PTPN13: variants seen among roughly 807,000 people sequenced by gnomAD.
The protein encoded by PTPN13 is protein tyrosine phosphatase non-receptor type 13, also known as tyrosine-protein phosphatase non-receptor type 13.
Under a neutral mutation model 284.0 loss-of-function variants are expected in PTPN13, and 191 were observed. The observed-to-expected ratio is 0.67, with a 90% CI of 0.60 to 0.76. PTPN13 has a LOEUF of 0.76. Among genes scored for constraint, PTPN13 ranks in the 30% least tolerant of loss-of-function variants. The probability of loss-of-function intolerance (pLI) is 0.00; values close to 1 mark genes in which losing one functional copy is unlikely to be tolerated. For missense variants in PTPN13, 2,797 were observed against 2,939.9 expected (o/e 0.95, Z 1.12); for synonymous variants, 986 against 1,022.3 (o/e 0.96, Z 0.68).
intron 13 of PTPN13, 92 bp downstream of exon 13, chr4:86,734,548 A>G: frequency 7.7e-7 from 1 of 1,302,528 alleles, no homozygotes; most frequent in Non-Finnish European, 1.0e-6. Context: ...ATTCCAATCA[A>G]TGATAATGTC....
intron 3 of PTPN13, among the ~76,000 whole-genome samples, chr4:86,684,995 C>T (rs529335865): frequency 6.6e-6 from 1 of 152,176 alleles, no homozygotes; most frequent in Non-Finnish European, 1.5e-5. Context: ...CCCATATGCT[C>T]TGCCATCTTA....
At chr4:86,717,956 C>T (rs1392205826) in intron 9 of PTPN13, among the ~76,000 whole-genome samples, 1 of 151,992 alleles carries the variant, frequency 6.6e-6, no homozygotes, top group Non-Finnish European at 1.5e-5. Context: ...CATTTTTATA[C>T]TGACATACTT....
chr4:86,780,702 A>G (rs1741205039), intron 36 of PTPN13, among the ~76,000 whole-genome samples: 1 of 152,250 alleles, frequency 6.6e-6, no homozygotes, highest in South Asian at 2.1e-4. Flanking sequence ...AAAATTTGAA[A>G]CAACTCAAAT....
At chr4:86,595,257 C>T (rs1386595487) in intron 1 of PTPN13, among the ~76,000 whole-genome samples, 2 of 150,502 alleles carry the variant, frequency 1.3e-5, no homozygotes, top group Non-Finnish European at 3.0e-5. Flanking sequence ...TGTAAGGGCT[C>T]GAGAAGGGGG....
rs1554340170 is a variant in PTPN13, at chr4:86,774,723, T to TA, written c.5508+192_5508+193insA. Among the ~76,000 whole-genome samples, 38 of 149,610 alleles carry TA rather than the reference T, an allele frequency of 2.5e-4. No homozygotes were observed. In the East Asian group the frequency reaches 6.1e-3, roughly 24 times the overall value. ...ATTTTATATATATATATATATATAT[T>TA]TTTTACTATACTTTAAGTTCTAGGG... On this transcript the variant is annotated intron_variant, in intron 33 of 47. Transcript: ENST00000411767.
In PTPN13 at chr4:86,644,362, ACTC is replaced by A. The variant is rs1724168401; in HGVS notation, c.115+8994_115+8996del. Reference sequence around the variant, plus strand: ...GCCATGTTTGCCAGGCTGGTCTTGAACTCCTGCCCTCAAGCGACCCGCTCGCAT... The same window carrying A: ...GCCATGTTTGCCAGGCTGGTCTTGAACTGCCCTCAAGCGACCCGCTCGCAT... On this transcript the variant is annotated intron_variant, in intron 2 of 47. Coordinates refer to ENST00000411767, the MANE Select transcript of PTPN13 (RefSeq NM_080683.3). Among the ~76,000 whole-genome samples, 3 of 150,870 alleles carry A rather than the reference ACTC, an allele frequency of 2.0e-5. No individual in the cohort carries two copies. The South Asian group carries it at 6.3e-4, about 32-fold the overall frequency.
chr4:86,652,796 C>G (rs1725247902), intron 2 of PTPN13, among the ~76,000 whole-genome samples: 1 of 151,992 alleles, frequency 6.6e-6, no homozygotes, highest in African/African-American at 2.4e-5. Context: ...GATATTCATA[C>G]TGTAGGTTTG....
chr4:86,599,867 A>G (rs562788643), intron 1 of PTPN13, among the ~76,000 whole-genome samples: 1 of 152,298 alleles, frequency 6.6e-6, no homozygotes, highest in East Asian at 1.9e-4. Context: ...TACTTATATC[A>G]GTATGCTCTA....
chr4:86,694,729 GTTCTC>G (rs553791968), intron 6 of PTPN13, among the ~76,000 whole-genome samples: 8 of 150,406 alleles, frequency 5.3e-5, no homozygotes, highest in South Asian at 4.2e-4. Flanking sequence ...GATTATCTTT[GTTCTC>G]TTCTTATCAA....
intron 1 of PTPN13, among the ~76,000 whole-genome samples, chr4:86,600,663 G>A (rs1188922254): frequency 6.6e-6 from 1 of 151,820 alleles, no homozygotes; most frequent in African/African-American, 2.4e-5. Flanking sequence ...TTGTGTTAAA[G>A]ATATTCAAAG....
At position 86,617,987 on chromosome 4, in the gene PTPN13, T is replaced by A. The variant is rs571464688; in HGVS notation, c.-5-17265T>A. 8.8e-3 allele frequency among the ~76,000 whole-genome samples: 1,347 copies of A among 152,240 alleles called. 6 individuals are homozygous for A. The highest frequency in any genetic ancestry group is 0.013 in the Non-Finnish European group (906 of 67,988). On this transcript the variant is annotated intron_variant, in intron 1 of 47. Transcript: ENST00000411767. ...GCCATTGCTTTTGGTGTTTTAGACA[T>A]GAAGTCCTTGCCCATGCCTATGTCC...
At chr4:86,735,975 A>G (rs1169705738) in intron 15 of PTPN13, among the ~76,000 whole-genome samples, 1 of 152,134 alleles carries the variant, frequency 6.6e-6, no homozygotes, top group Non-Finnish European at 1.5e-5. Context: ...ATATGATTTG[A>G]ACCCATGTCT....
intron 2 of PTPN13, among the ~76,000 whole-genome samples, chr4:86,646,314 TA>T (rs1391177576): frequency 1.4e-5 from 2 of 143,694 alleles, no homozygotes; most frequent in African/African-American, 5.3e-5. Flanking sequence ...TTTTTTTTTT[TA>T]AAGACAGAAT....
At chr4:86,775,942 T>G (rs1740584382) in intron 35 of PTPN13, among the ~76,000 whole-genome samples, 1 of 152,100 alleles carries the variant, frequency 6.6e-6, no homozygotes, top group Admixed American at 6.6e-5. Flanking sequence ...TTTTTTTGTT[T>G]TGTTTTGTTT....
At chr4:86,629,520 A>G (rs1170486829) in intron 1 of PTPN13, among the ~76,000 whole-genome samples, 1 of 152,154 alleles carries the variant, frequency 6.6e-6, no homozygotes, top group Non-Finnish European at 1.5e-5. Context: ...TCATTTTTTA[A>G]CAGTTCTTTC....
chr4:86,633,003 C>T (rs1722626762), intron 1 of PTPN13, among the ~76,000 whole-genome samples: 1 of 151,852 alleles, frequency 6.6e-6, no homozygotes, highest in Non-Finnish European at 1.5e-5. Context: ...TGAGGGTCTC[C>T]CCATGTTGTC....
intron 1 of PTPN13, 110 bp downstream of exon 1, chr4:86,594,899 AC>A (rs1231620657): frequency 2.0e-5 from 3 of 152,142 alleles, no homozygotes; most frequent in Non-Finnish European, 4.4e-5. Context: ...CAGTCCCTAA[AC>A]CCAACTCCTC....
chr4:86,716,691 G>T (rs1733061475), intron 8 of PTPN13, 66 bp downstream of exon 8: 11 of 1,114,826 alleles, frequency 9.9e-6, no homozygotes, highest in Non-Finnish European at 1.4e-5. Flanking sequence ...TTTCAATAGT[G>T]TTCAAATATT....
At chr4:86,651,950 A>G (rs1725133764) in intron 2 of PTPN13, among the ~76,000 whole-genome samples, 1 of 152,142 alleles carries the variant, frequency 6.6e-6, no homozygotes, top group Non-Finnish European at 1.5e-5. Flanking sequence ...AGTGGCACAC[A>G]TCTGTAGTCC....
Sources: gnomAD v4.1 joint callset for allele counts (sites outside exome capture counted in the v4.1 genomes callset) on GRCh38, gnomAD v4.1.1 for gene constraint, MANE v1.5 for transcripts, NCBI Gene and HGNC (gene_info 2026-07-23, HGNC 2026-07-21) for gene names.